Variants in CEP83 observed in about 807,000 individuals in gnomAD.
CEP83 encodes centrosomal protein 83, also known as centrosomal protein of 83 kDa.
In CEP83, 70 loss-of-function variants were observed where a neutral mutation model predicts 101.9. The ratio of observed to expected loss-of-function variants is 0.69; its 90% CI spans 0.57 to 0.84. CEP83 has a LOEUF of 0.84. CEP83 is among the 40% of genes least tolerant of loss of function. The pLI, the probability that CEP83 is intolerant of heterozygous loss-of-function variation, is 0.00. For synonymous variants in CEP83, 264 were observed against 267.9 expected, an observed-to-expected ratio of 0.99 and a Z score of 0.14; for missense variants, 715 against 787.2, an observed-to-expected ratio of 0.91 and a Z score of 1.10.
chr12:94,398,870 G>A (rs1035141740), intron 6 of CEP83, among the ~76,000 whole-genome samples: 1 of 152,068 alleles, frequency 6.6e-6, no homozygotes, highest in Non-Finnish European at 1.5e-5. Flanking sequence ...TGTCTTATGC[G>A]GTTGAGATAA....
intron 2 of CEP83, among the ~76,000 whole-genome samples, chr12:94,430,765 C>T (rs1342414515): frequency 6.6e-6 from 1 of 152,192 alleles, no homozygotes; most frequent in Non-Finnish European, 1.5e-5. Context: ...ATACAAGAGG[C>T]TCAGAGATTC....
chr12:94,322,953 AT>A (rs1451581174), intron 14 of CEP83, among the ~76,000 whole-genome samples: 3 of 152,186 alleles, frequency 2.0e-5, no homozygotes, highest in African/African-American at 7.2e-5. Context: ...TGGGACCTGC[AT>A]AAAAAAGCAG....
chr12:94,452,359 T>C (rs528174760), intron 1 of CEP83, among the ~76,000 whole-genome samples: 13 of 152,228 alleles, frequency 8.5e-5, no homozygotes, highest in African/African-American at 2.9e-4. Context: ...AATAAAGCTG[T>C]TTAAAAAGGG....
the CEP83 span, among the ~76,000 whole-genome samples, chr12:94,275,786 C>G: frequency 1.2e-4 from 14 of 113,494 alleles, 4 homozygotes; most frequent in Non-Finnish European, 1.9e-4. Context: ...ACCCGGGAGG[C>G]GGAGCTTGCA....
At chr12:94,455,002 C>T (rs947391337) in intron 1 of CEP83, among the ~76,000 whole-genome samples, 3 of 151,992 alleles carry the variant, frequency 2.0e-5, no homozygotes. Flanking sequence ...ACTCCGGACA[C>T]ATCTGAACAT....
chr12:94,417,863 C>T (rs2064403634), intron 2 of CEP83, among the ~76,000 whole-genome samples: 1 of 151,912 alleles, frequency 6.6e-6, no homozygotes, highest in Non-Finnish European at 1.5e-5. Context: ...ATGAAGATTT[C>T]AAACTGAATG....
chr12:94,422,398 A>T (rs1289972779), intron 2 of CEP83, among the ~76,000 whole-genome samples: 1 of 152,182 alleles, frequency 6.6e-6, no homozygotes, highest in Non-Finnish European at 1.5e-5. Flanking sequence ...GACACTGAAT[A>T]CCCATTTCCA....
intron 1 of CEP83, among the ~76,000 whole-genome samples, chr12:94,457,995 G>A (rs1270771591): frequency 2.0e-5 from 3 of 152,006 alleles, no homozygotes; most frequent in Admixed American, 2.0e-4. Context: ...TCAGGAGTTC[G>A]TGACCAGCCT....
intron 2 of CEP83, among the ~76,000 whole-genome samples, chr12:94,418,782 T>C (rs1207005726): frequency 6.6e-6 from 1 of 152,214 alleles, no homozygotes; most frequent in East Asian, 1.9e-4. Flanking sequence ...CACTAAATTA[T>C]ATACTTTAAA....
At chr12:94,302,995 A>G (rs1968621345), downstream of CEP83, among the ~76,000 whole-genome samples, 1 of 152,244 alleles carries the variant, frequency 6.6e-6, no homozygotes, top group East Asian at 1.9e-4. Context: ...TGATTCATCA[A>G]GCCATTGATT....
At chr12:94,342,987 C>A (rs1403068435) in intron 11 of CEP83, among the ~76,000 whole-genome samples, 1 of 151,880 alleles carries the variant, frequency 6.6e-6, no homozygotes, top group Non-Finnish European at 1.5e-5. Flanking sequence ...TTGTACAAGA[C>A]AAATCAAGTG....
At chr12:94,292,975 C>G in the CEP83 span, among the ~76,000 whole-genome samples, 1 of 151,918 alleles carries the variant, frequency 6.6e-6, no homozygotes, top group Admixed American at 6.6e-5. Context: ...AAATAGAAGC[C>G]CTCTCCTGGC....
At chr12:94,331,348 C>T (rs1345093552) in intron 14 of CEP83, among the ~76,000 whole-genome samples, 2 of 131,624 alleles carry the variant, frequency 1.5e-5, no homozygotes, top group Non-Finnish European at 3.2e-5. Context: ...ATAGAAATCA[C>T]CTTTTTTCCT....
chr12:94,366,437 G>A (rs2061031935), intron 11 of CEP83, among the ~76,000 whole-genome samples: 2 of 152,076 alleles, frequency 1.3e-5, no homozygotes, highest in Admixed American at 6.5e-5. Context: ...TGAGTGATGA[G>A]TTAGCAATTC....
chr12:94,460,194 A>G (rs1289777297), upstream of CEP83: 1 of 152,286 alleles, frequency 6.6e-6, no homozygotes, highest in East Asian at 1.9e-4. Flanking sequence ...AGCCCCGGGC[A>G]CTTGCCTTGG....
chr12:94,277,700 G>C, the CEP83 span: 2 of 337,692 alleles, frequency 5.9e-6, no homozygotes, highest in Non-Finnish European at 1.2e-5. Flanking sequence ...GGGCGTCCTA[G>C]CTGTCCAATG....
chr12:94,424,942 G>A lies in CEP83; in HGVS notation c.-102+10333C>T, dbSNP rs1040069594. The A allele has an allele frequency of 3.6e-5, 57 of 1,589,274 alleles. No individual in the cohort carries two copies. In the African/African-American group the frequency reaches 4.7e-4, roughly 13 times the overall value. ...TATTGTAGCCAAAAGTAGAAATCCC[G>A]GGCCTGGAAGTCACGGATAGCAGCA... On this transcript the variant is annotated intron_variant, in intron 2 of 16. Coordinates refer to ENST00000397809, the MANE Select transcript of CEP83 (RefSeq NM_016122.3).
intron 2 of CEP83, among the ~76,000 whole-genome samples, chr12:94,423,425 C>T (rs954754125): frequency 6.6e-6 from 1 of 150,884 alleles, no homozygotes; most frequent in African/African-American, 2.4e-5. Flanking sequence ...TTTCCCAATA[C>T]CTTGTAGCTG....
the CEP83 span, among the ~76,000 whole-genome samples, chr12:94,267,609 C>G: frequency 6.6e-6 from 1 of 152,128 alleles, no homozygotes; most frequent in Non-Finnish European, 1.5e-5. Flanking sequence ...TTTTTAGGGG[C>G]CTTGCCTTTA....
Sources: allele counts gnomAD v4.1 joint callset (sites outside exome capture counted in the v4.1 genomes callset), GRCh38; gene constraint gnomAD v4.1.1; transcripts MANE v1.5; gene names NCBI Gene and HGNC (gene_info 2026-07-23, HGNC 2026-07-21).